CYP4X1: variants seen among roughly 807,000 people sequenced by gnomAD.
CYP4X1 encodes the protein cytochrome P450 4X1.
CYP4X1 carries 44 observed loss-of-function variants against 57.9 expected under a neutral mutation model. The ratio of observed to expected loss-of-function variants is 0.76; its 90% CI spans 0.60 to 0.98. CYP4X1 has a LOEUF of 0.98. CYP4X1 is among the 50% of genes least tolerant of loss of function. The probability of loss-of-function intolerance (pLI) is 0.00; values close to 1 mark genes in which losing one functional copy is unlikely to be tolerated. For synonymous variants in CYP4X1, 227 were observed against 228.6 expected (o/e 0.99, Z 0.06); for missense variants, 532 against 623.9 (o/e 0.85, Z 1.57).
At chr1:47,022,283 CTTTTTTTTTTTTTTTTT>C (rs11352280), upstream of CYP4X1, among the ~76,000 whole-genome samples, 4 of 77,312 alleles carry the variant, frequency 5.2e-5, no homozygotes, top group African/African-American at 2.1e-4. Flanking sequence ...TGGGGCCTGT[CTTTTTTTTTTTTTTTTT>C]TTTTTTTTTG....
chr1:47,008,742 A>G, the CYP4X1 span, among the ~76,000 whole-genome samples: 1 of 152,174 alleles, frequency 6.6e-6, no homozygotes, highest in Admixed American at 6.5e-5. Flanking sequence ...TACCAAACAA[A>G]TGGAAACAAA....
chr1:47,025,426 A>ATG (rs1377340231), intron 1 of CYP4X1, among the ~76,000 whole-genome samples: 6 of 152,226 alleles, frequency 3.9e-5, no homozygotes, highest in Non-Finnish European at 5.9e-5. Context: ...AGCAACACAA[A>ATG]TGTACTAAGA....
At chr1:46,986,087 T>C in the CYP4X1 span, among the ~76,000 whole-genome samples, 1 of 152,174 alleles carries the variant, frequency 6.6e-6, no homozygotes, top group Non-Finnish European at 1.5e-5. Flanking sequence ...CTAAAGGAGC[T>C]TGTTCTAACC....
chr1:46,969,005 C>G, the CYP4X1 span, among the ~76,000 whole-genome samples: 1 of 152,170 alleles, frequency 6.6e-6, no homozygotes, highest in South Asian at 2.1e-4. Flanking sequence ...CGCTGTTGGT[C>G]CCCTCCAAAT....
chr1:46,967,797 C>G, the CYP4X1 span: 3 of 1,364,480 alleles, frequency 2.2e-6, no homozygotes, highest in Non-Finnish European at 1.9e-6. Context: ...CAGGCAGCAG[C>G]TCAAAGCGGA....
At chr1:47,012,704 T>G in the CYP4X1 span, among the ~76,000 whole-genome samples, 1 of 152,192 alleles carries the variant, frequency 6.6e-6, no homozygotes, top group Non-Finnish European at 1.5e-5. Context: ...TTTTTTAGCT[T>G]ATTTGTCCTT....
chr1:47,022,867 G>A (rs867348839), upstream of CYP4X1, among the ~76,000 whole-genome samples: 1 of 152,128 alleles, frequency 6.6e-6, no homozygotes, highest in Non-Finnish European at 1.5e-5. Context: ...ACAGGGAGGT[G>A]GGGGGAGACA....
the CYP4X1 span, among the ~76,000 whole-genome samples, chr1:46,989,530 C>T: frequency 6.6e-6 from 1 of 152,272 alleles, no homozygotes; most frequent in Non-Finnish European, 1.5e-5. Context: ...TGACTTTCTT[C>T]ACAGAATTAG....
the CYP4X1 span, among the ~76,000 whole-genome samples, chr1:47,014,573 C>A: frequency 1.3e-5 from 2 of 152,226 alleles, no homozygotes; most frequent in African/African-American, 4.8e-5. Flanking sequence ...ATCATTTCAA[C>A]ATCTCTTCCC....
intron 4 of CYP4X1, among the ~76,000 whole-genome samples, chr1:47,033,583 A>G (rs977015110): frequency 1.3e-5 from 2 of 152,198 alleles, no homozygotes; most frequent in Non-Finnish European, 1.5e-5. Flanking sequence ...TGTCTTAGAT[A>G]TATTTTGAGA....
At chr1:47,007,760 C>G in the CYP4X1 span, among the ~76,000 whole-genome samples, 2 of 152,190 alleles carry the variant, frequency 1.3e-5, no homozygotes, top group South Asian at 4.1e-4. Flanking sequence ...AAAACCATGG[C>G]ACGAGAACTA....
chr1:46,977,931 A>AT, the CYP4X1 span, among the ~76,000 whole-genome samples: 6 of 152,114 alleles, frequency 3.9e-5, no homozygotes, highest in Non-Finnish European at 7.3e-5. Context: ...ATGCTGAGAG[A>AT]TTTTGTCACC....
the CYP4X1 span, chr1:46,967,613 T>G: frequency 2.9e-6 from 1 of 341,528 alleles, no homozygotes; most frequent in African/African-American, 2.2e-5. Context: ...AAGCAGGATG[T>G]GGGCAGACAG....
the CYP4X1 span, among the ~76,000 whole-genome samples, chr1:47,001,478 C>G: frequency 6.6e-6 from 1 of 152,094 alleles, no homozygotes; most frequent in Non-Finnish European, 1.5e-5. Flanking sequence ...GACCGACAGG[C>G]ACCCAGATCC....
At chr1:47,010,039 G>T in the CYP4X1 span, among the ~76,000 whole-genome samples, 2 of 152,272 alleles carry the variant, frequency 1.3e-5, no homozygotes, top group Admixed American at 1.3e-4. Context: ...GAGAAAGAGG[G>T]AATCCTCCCT....
Position 47,033,283 on chromosome 1 carries a change from A to T in CYP4X1, c.407A>T (p.His136Leu). Residue 136 changes from histidine to leucine, a missense_variant, in exon 4 of 12, where the codon CAT becomes CTT. Physicochemically the swap from His to Leu is moderately conservative, Grantham distance 99 (BLOSUM62 -3). Transcript: ENST00000371901. The part of the protein sequence containing the change: ...AALDGPKWFQ[H>L]RRLLTPGFHF... ...CTAGACGGACCCAAGTGGTTCCAGCATCGTCGCCTACTAACTCCTGGATTC... is the reference window on the plus strand; with the variant it reads ...CTAGACGGACCCAAGTGGTTCCAGCTTCGTCGCCTACTAACTCCTGGATTC... 6.2e-7 allele frequency: 1 copy of T among 1,613,828 alleles called. No homozygotes were observed. Among genetic ancestry groups the T allele is most frequent in the Middle Eastern group, 1.7e-4 (1 of 6,056 alleles).
the CYP4X1 span, among the ~76,000 whole-genome samples, chr1:46,972,485 A>C: frequency 6.6e-6 from 1 of 152,152 alleles, no homozygotes; most frequent in Non-Finnish European, 1.5e-5. Context: ...TGTTGTTAGT[A>C]GTTTGATAGG....
the CYP4X1 span, among the ~76,000 whole-genome samples, chr1:46,985,491 T>C: frequency 6.6e-6 from 1 of 152,154 alleles, no homozygotes; most frequent in South Asian, 2.1e-4. Flanking sequence ...GCAGTGGATC[T>C]CCCAGCACAG....
At chr1:47,001,681 T>C in the CYP4X1 span, among the ~76,000 whole-genome samples, 1 of 152,182 alleles carries the variant, frequency 6.6e-6, no homozygotes, top group East Asian at 1.9e-4. Context: ...TCAGAAGTTT[T>C]TCTTCTTTGT....
Sources: allele counts gnomAD v4.1 joint callset (sites outside exome capture counted in the v4.1 genomes callset), GRCh38; gene constraint gnomAD v4.1.1; transcripts MANE v1.5; gene names NCBI Gene and HGNC (gene_info 2026-07-23, HGNC 2026-07-21).